Variants in AOPEP observed in about 807,000 individuals in gnomAD.
The protein encoded by AOPEP is aminopeptidase O (putative).
A neutral mutation model predicts 98.1 loss-of-function variants in AOPEP; 77 were observed. The observed-to-expected ratio is 0.78, with a 90% CI of 0.65 to 0.95. The LOEUF (loss-of-function observed/expected upper bound fraction) is 0.95. Ranked by LOEUF, AOPEP falls within the 40% of genes least tolerant of loss-of-function variation. The pLI, the probability that AOPEP is intolerant of heterozygous loss-of-function variation, is 0.00. For synonymous variants in AOPEP, 346 were observed against 365.3 expected (o/e 0.95, Z 0.60); for missense variants, 1,024 against 1,024.7 (o/e 1.00, Z 0.01).
chr9:95,095,421 C>T, the AOPEP span, among the ~76,000 whole-genome samples: 1 of 152,212 alleles, frequency 6.6e-6, no homozygotes, highest in Non-Finnish European at 1.5e-5. Context: ...GTGTGTGTCC[C>T]TGCCCGTGCG....
intron 14 of AOPEP, among the ~76,000 whole-genome samples, chr9:95,065,630 A>G (rs1381522913): frequency 1.3e-5 from 2 of 152,242 alleles, no homozygotes; most frequent in Non-Finnish European, 2.9e-5. Context: ...ATTGAACATG[A>G]AAAAGAACAC....
At chr9:94,852,009 T>C (rs536277065) in intron 5 of AOPEP, among the ~76,000 whole-genome samples, 1 of 152,042 alleles carries the variant, frequency 6.6e-6, no homozygotes, top group South Asian at 2.1e-4. Flanking sequence ...GTGATGACAG[T>C]AGATGTCACT....
the AOPEP span, among the ~76,000 whole-genome samples, chr9:95,139,782 G>A: frequency 1.3e-5 from 2 of 148,838 alleles, no homozygotes; most frequent in Admixed American, 6.7e-5. Flanking sequence ...AACATTTTCT[G>A]TATATGCCTT....
intron 5 of AOPEP, among the ~76,000 whole-genome samples, chr9:94,872,583 A>G (rs1353206784): frequency 6.6e-6 from 1 of 152,180 alleles, no homozygotes; most frequent in East Asian, 1.9e-4. Flanking sequence ...ATTCTTCAGT[A>G]AAAGACTTTA....
chr9:94,879,288 A>G (rs1230720692), intron 5 of AOPEP, among the ~76,000 whole-genome samples: 4 of 152,274 alleles, frequency 2.6e-5, no homozygotes, highest in Non-Finnish European at 5.9e-5. Flanking sequence ...GTTTTAAACT[A>G]TAAACTAAGT....
intron 10 of AOPEP, among the ~76,000 whole-genome samples, chr9:94,973,719 T>A (rs1298571742): frequency 1.3e-5 from 2 of 152,248 alleles, no homozygotes; most frequent in Non-Finnish European, 2.9e-5. Flanking sequence ...CTAGTACGGA[T>A]ACGCAGGACT....
At chr9:94,897,244 G>A (rs1249456918) in intron 5 of AOPEP, among the ~76,000 whole-genome samples, 1 of 152,058 alleles carries the variant, frequency 6.6e-6, no homozygotes, top group Non-Finnish European at 1.5e-5. Flanking sequence ...CCCTTGAAAT[G>A]TAAAAGAATA....
At position 94,760,220 on chromosome 9, in the gene AOPEP, T is replaced by C. The variant is rs1386641619; in HGVS notation, c.437T>C (p.Leu146Ser). 1.2e-6 allele frequency: 2 copies of C among 1,614,214 alleles called. No individual in the cohort carries two copies. Residue 146 changes from leucine (L) to serine (S), a missense_variant, in exon 2 of 17, where the codon TTG (leucine) becomes TCG (serine). By Grantham distance (145) the Leu-to-Ser change is moderately radical. Around this residue, in one of 3 missense-constraint regions of AOPEP, gnomAD observed 440 missense variants for 433.8 expected, o/e 1.01. Transcript: ENST00000375315. ...GGGAGTGAGGATTTTTTGCTAGTGTTGGACTGCTGTGATTTATCTGTGTTA... is the reference window on the plus strand; with the variant it reads ...GGGAGTGAGGATTTTTTGCTAGTGTCGGACTGCTGTGATTTATCTGTGTTA... ...NHGSEDFLLV[L>S]DCCDLSVLKV...
chr9:94,967,921 G>A (rs2059306668), intron 10 of AOPEP, 120 bp downstream of exon 10: 1 of 833,010 alleles, frequency 1.2e-6, no homozygotes, highest in East Asian at 2.5e-5. Context: ...ATAGAGGCAA[G>A]GACCTAGTTC....
intron 2 of AOPEP, among the ~76,000 whole-genome samples, chr9:94,761,563 CAT>C (rs1838303696): frequency 6.6e-6 from 1 of 152,166 alleles, no homozygotes; most frequent in South Asian, 2.1e-4. Context: ...CAATTGCTTA[CAT>C]GTCTCCCTCA....
chr9:94,828,866 C>A (rs1345107078), intron 5 of AOPEP, among the ~76,000 whole-genome samples: 1 of 81,304 alleles, frequency 1.2e-5, no homozygotes, highest in African/African-American at 5.0e-5. Flanking sequence ...ATTTGTATTT[C>A]TTCTTACTGT....
At chr9:95,043,479 G>T (rs951342042) in intron 13 of AOPEP, among the ~76,000 whole-genome samples, 1 of 152,052 alleles carries the variant, frequency 6.6e-6, no homozygotes, top group Admixed American at 6.6e-5. Flanking sequence ...CTATTTAAAA[G>T]AATGATTCAG....
At chr9:94,872,163 T>A (rs1221400976) in intron 5 of AOPEP, among the ~76,000 whole-genome samples, 1 of 152,166 alleles carries the variant, frequency 6.6e-6, no homozygotes, top group South Asian at 2.1e-4. Flanking sequence ...TTTTTCTGGG[T>A]ATATGAATAA....
At chr9:95,030,382 A>C (rs901545125) in intron 13 of AOPEP, among the ~76,000 whole-genome samples, 1 of 152,214 alleles carries the variant, frequency 6.6e-6, no homozygotes, top group Non-Finnish European at 1.5e-5. Context: ...TTTTTTGGAA[A>C]GATCTGTTAT....
chr9:94,885,008 C>CAA (rs59763820), intron 5 of AOPEP, among the ~76,000 whole-genome samples: 31 of 113,728 alleles, frequency 2.7e-4, no homozygotes, highest in African/African-American at 4.9e-4. Flanking sequence ...GACTCCGTCT[C>CAA]AAAAAAAAAA....
At chr9:95,146,292 G>C in the AOPEP span, among the ~76,000 whole-genome samples, 1 of 151,816 alleles carries the variant, frequency 6.6e-6, no homozygotes, top group Non-Finnish European at 1.5e-5. Flanking sequence ...TTCAAGACCA[G>C]CCTAGGCAAC....
chr9:95,095,251 G>A, the AOPEP span, among the ~76,000 whole-genome samples: 2 of 152,150 alleles, frequency 1.3e-5, no homozygotes, highest in Admixed American at 1.3e-4. Context: ...CCGAAAAGGT[G>A]GTACCAGTTT....
At chr9:94,736,902 A>T (rs3887267) in intron 1 of AOPEP, among the ~76,000 whole-genome samples, 7,886 of 152,226 alleles carry the variant, frequency 0.052, 230 homozygotes, top group Admixed American at 0.077. Context: ...GGGTTTAGAA[A>T]CTGTGTCATG....
chr9:95,142,268 C>T, the AOPEP span, among the ~76,000 whole-genome samples: 42 of 152,126 alleles, frequency 2.8e-4, no homozygotes, highest in African/African-American at 9.2e-4. Context: ...GCTGGGATTA[C>T]AGGTGTGAGC....
Sources: allele counts gnomAD v4.1 joint callset (sites outside exome capture counted in the v4.1 genomes callset), GRCh38; gene constraint gnomAD v4.1.1; regional missense constraint gnomAD v4.1.1; transcripts MANE v1.5; gene names NCBI Gene and HGNC (gene_info 2026-07-23, HGNC 2026-07-21).